HS2ST1: variants seen among roughly 807,000 people sequenced by gnomAD.
The protein encoded by HS2ST1 is 2-O-sulfotransferase.
Under a neutral mutation model 42.9 loss-of-function variants are expected in HS2ST1, and 18 were observed. That is an observed-to-expected ratio of 0.42 (90% CI 0.29 to 0.62). The LOEUF (loss-of-function observed/expected upper bound fraction) is 0.62, where lower values mean the gene tolerates loss of function less well. HS2ST1 is among the 20% of genes least tolerant of loss of function. HS2ST1 has a pLI of 0.21. For missense variants in HS2ST1, 334 were observed against 433.8 expected, an observed-to-expected ratio of 0.77 and a Z score of 2.04; for synonymous variants, 146 against 152.9, an observed-to-expected ratio of 0.95 and a Z score of 0.33.
intron 1 of HS2ST1, among the ~76,000 whole-genome samples, chr1:87,034,907 A>T (rs534847400): frequency 6.6e-6 from 1 of 152,186 alleles, no homozygotes; most frequent in Non-Finnish European, 1.5e-5. Flanking sequence ...AGATGGGGCG[A>T]TTATCCTGGA....
At chr1:86,946,184 C>T (rs372284114) in intron 1 of HS2ST1, among the ~76,000 whole-genome samples, 5 of 152,014 alleles carry the variant, frequency 3.3e-5, no homozygotes, top group Middle Eastern at 3.2e-3. Context: ...GCCAGACTGA[C>T]GTATTTTTGT....
intron 1 of HS2ST1, among the ~76,000 whole-genome samples, chr1:86,947,477 A>T (rs7553225): frequency 0.024 from 3,581 of 152,202 alleles, 73 homozygotes; most frequent in African/African-American, 0.049. Context: ...ATGAAAGTTA[A>T]CTTGCTTTAG....
chr1:86,976,702 T>TTGTGTATATATATATATATATATATA (rs1036585042), intron 1 of HS2ST1, among the ~76,000 whole-genome samples: 2 of 26,794 alleles, frequency 7.5e-5, no homozygotes, highest in Non-Finnish European at 2.1e-4. Flanking sequence ...CTTTATAAAA[T>TTGTGTATATATATATATATATATATA]TGTATATATA....
chr1:87,027,870 A>G (rs1205861073), intron 1 of HS2ST1, among the ~76,000 whole-genome samples: 3 of 152,122 alleles, frequency 2.0e-5, no homozygotes, highest in South Asian at 4.1e-4. Context: ...TGTATTTTTT[A>G]ATAGAGATGG....
At position 87,015,267 on chromosome 1, in the gene HS2ST1, C is replaced by T. The variant is rs150898982; in HGVS notation, c.125-57667C>T. On this transcript the variant is annotated intron_variant, in intron 1 of 6. Transcript: ENST00000370550. ...TTCACCATGTCAGCCAGGATGGTCT[C>T]GATCTCTTGACCTCATGATCTGCTC... 2.0e-3 allele frequency among the ~76,000 whole-genome samples: 304 copies of T among 151,580 alleles called. 1 individual carries two copies. The highest frequency in any genetic ancestry group is 2.5e-3 in the Non-Finnish European group (167 of 67,954).
Position 87,093,950 on chromosome 1 carries a change from C to A in HS2ST1, c.588+1281C>A, listed in dbSNP as rs150061029. ...TACTGATCCAAACACAGATAACTAA[C>A]CAAATCTGTTTTCTTAAATAATGCT... On this transcript the variant is annotated intron_variant, in intron 4 of 6. Transcript: ENST00000370550. Among the ~76,000 whole-genome samples, 425 of 151,900 alleles carry A rather than the reference C, an allele frequency of 2.8e-3. 1 individual carries two copies. The highest frequency in any genetic ancestry group is 9.8e-3 in the African/African-American group (404 of 41,426).
intron 1 of HS2ST1, among the ~76,000 whole-genome samples, chr1:86,975,988 G>A (rs1648388308): frequency 6.6e-6 from 1 of 152,144 alleles, no homozygotes; most frequent in Non-Finnish European, 1.5e-5. Context: ...AAGTGCCATG[G>A]CAAATGTATC....
chr1:86,951,375 A>G (rs1339674295), intron 1 of HS2ST1, among the ~76,000 whole-genome samples: 3 of 152,338 alleles, frequency 2.0e-5, no homozygotes, highest in Middle Eastern at 6.8e-3. Context: ...ATTCCAGAGC[A>G]CCGAAATAAG....
At chr1:87,046,412 A>G in intron 1 of HS2ST1, 1 of 849,390 alleles carries the variant, frequency 1.2e-6, no homozygotes, top group Non-Finnish European at 2.0e-6. Context: ...GAACCAACAG[A>G]AGCCAAAGCC....
At chr1:86,990,812 T>TTATATA (rs57401994) in intron 1 of HS2ST1, among the ~76,000 whole-genome samples, 2 of 10,258 alleles carry the variant, frequency 1.9e-4, no homozygotes, top group Non-Finnish European at 4.4e-4. Flanking sequence ...CTGGCTAATT[T>TTATATA]TATATATATA....
At chr1:87,064,764 A>G (rs1191363259) in intron 1 of HS2ST1, among the ~76,000 whole-genome samples, 1 of 152,134 alleles carries the variant, frequency 6.6e-6, no homozygotes, top group Admixed American at 6.5e-5. Flanking sequence ...GGGCTCAGGC[A>G]ATCTACCCAC....
chr1:86,936,980 C>T (rs1660668861), intron 1 of HS2ST1, among the ~76,000 whole-genome samples: 1 of 151,334 alleles, frequency 6.6e-6, no homozygotes. Flanking sequence ...TGTTGCATGC[C>T]TGTAGTCCCA....
intron 1 of HS2ST1, among the ~76,000 whole-genome samples, chr1:86,984,178 G>A (rs1298696302): frequency 1.3e-5 from 2 of 152,170 alleles, no homozygotes. Flanking sequence ...TGAAGCCCAG[G>A]AGAGTCAGTT....
At chr1:86,923,902 T>C (rs1472118407) in intron 1 of HS2ST1, among the ~76,000 whole-genome samples, 1 of 152,126 alleles carries the variant, frequency 6.6e-6, no homozygotes, top group African/African-American at 2.4e-5. Flanking sequence ...TGTCCTCACA[T>C]TTCAAAACCA....
At chr1:87,017,583 G>T (rs1306378705) in intron 1 of HS2ST1, among the ~76,000 whole-genome samples, 1 of 152,124 alleles carries the variant, frequency 6.6e-6, no homozygotes, top group Non-Finnish European at 1.5e-5. Context: ...AGAAGACAGC[G>T]GGCACAGTCA....
chr1:86,987,035 G>A (rs186898619), intron 1 of HS2ST1, among the ~76,000 whole-genome samples: 38 of 147,526 alleles, frequency 2.6e-4, no homozygotes, highest in Admixed American at 6.8e-5. Flanking sequence ...ACTGTTACAC[G>A]CTTTCCACCA....
chr1:86,984,000 A>G (rs926710607), intron 1 of HS2ST1, among the ~76,000 whole-genome samples: 2 of 151,538 alleles, frequency 1.3e-5, no homozygotes, highest in South Asian at 2.1e-4. Flanking sequence ...AGATCGCGCC[A>G]TTGAACTCTA....
At chr1:87,072,836 C>T in intron 1 of HS2ST1, 98 bp from the exon 2 acceptor site, 7 of 854,712 alleles carry the variant, frequency 8.2e-6, no homozygotes, top group Admixed American at 8.0e-5. Context: ...TTTTTGTTTT[C>T]TTTTTTGTAT....
At chr1:86,935,888 A>G (rs898578984) in intron 1 of HS2ST1, among the ~76,000 whole-genome samples, 4 of 152,176 alleles carry the variant, frequency 2.6e-5, no homozygotes, top group Admixed American at 1.3e-4. Context: ...TACAGAATTC[A>G]TGTGTATCCT....
Sources: gnomAD v4.1 joint callset for allele counts (sites outside exome capture counted in the v4.1 genomes callset) on GRCh38, gnomAD v4.1.1 for gene constraint, MANE v1.5 for transcripts, NCBI Gene and HGNC (gene_info 2026-07-23, HGNC 2026-07-21) for gene names.